The following CCSER1 variants were observed in gnomAD, a reference collection of about 807,000 sequenced individuals.
CCSER1 encodes coiled-coil serine rich protein 1.
Under a neutral mutation model 82.0 loss-of-function variants are expected in CCSER1, and 41 were observed. That is an observed-to-expected ratio of 0.50 (90% CI 0.39 to 0.65). The LOEUF is 0.65. Among genes scored for constraint, CCSER1 ranks in the 30% least tolerant of loss-of-function variants. The pLI, the probability that CCSER1 is intolerant of heterozygous loss-of-function variation, is 0.00. For missense variants in CCSER1, 1,119 were observed against 1,064.2 expected (o/e 1.05, Z -0.72); for synonymous variants, 414 against 383.9 (o/e 1.08, Z -0.92).
chr4:90,625,117 G>A (rs1404979724), intron 5 of CCSER1, among the ~76,000 whole-genome samples: 1 of 152,108 alleles, frequency 6.6e-6, no homozygotes, highest in Non-Finnish European at 1.5e-5. Flanking sequence ...CCAAGTGAAC[G>A]AATTGTATTA....
rs929364856 is a variant in CCSER1 at position 91,470,002 on chromosome 4, T to C, written c.2218-128570T>C. Among the ~76,000 whole-genome samples the C allele has an allele frequency of 3.3e-5, 5 of 152,212 alleles. No homozygotes were observed. The South Asian group carries it at 6.2e-4, about 19-fold the overall frequency. Reference sequence around the variant, plus strand: ...TTCTAATGTTTATGATGCAAATATATGTCTCTGGAAAATTTCAAATTACCT... The same window carrying C: ...TTCTAATGTTTATGATGCAAATATACGTCTCTGGAAAATTTCAAATTACCT... On this transcript the variant is annotated intron_variant, in intron 10 of 10. Transcript: ENST00000509176.
intron 7 of CCSER1, among the ~76,000 whole-genome samples, chr4:90,786,910 T>C (rs1754593147): frequency 1.3e-5 from 2 of 152,246 alleles, no homozygotes; most frequent in African/African-American, 4.8e-5. Context: ...AGCTTCAAGC[T>C]GAGGTTTCTA....
chr4:90,561,997 T>G (rs894733876), intron 5 of CCSER1, among the ~76,000 whole-genome samples: 3 of 151,992 alleles, frequency 2.0e-5, no homozygotes, highest in Admixed American at 6.6e-5. Context: ...GAGACCAGCC[T>G]GGCCAACATG....
intron 10 of CCSER1, among the ~76,000 whole-genome samples, chr4:91,218,847 T>C (rs1737507116): frequency 6.6e-6 from 1 of 152,226 alleles, no homozygotes; most frequent in Non-Finnish European, 1.5e-5. Flanking sequence ...GATTCAGAAC[T>C]AACAGGTATA....
At chr4:90,653,559 T>C (rs1348417771) in intron 6 of CCSER1, among the ~76,000 whole-genome samples, 1 of 152,066 alleles carries the variant, frequency 6.6e-6, no homozygotes, top group African/African-American at 2.4e-5. Flanking sequence ...TACAACAGGG[T>C]GTACATTCGT....
rs1755587340 is a variant in CCSER1, at chr4:91,446,685, AT to A, written c.2218-151886del. On this transcript the variant is annotated intron_variant, in intron 10 of 10. Transcript: ENST00000509176. ...ATATTTTAAATAAATAAATATATAT[AT>A]ATATATAATAGTCCTGCATCCTTTT... Among the ~76,000 whole-genome samples the A allele has an allele frequency of 3.4e-5, 5 of 146,804 alleles. No individual in the cohort carries two copies. In the South Asian group the frequency reaches 1.1e-3, roughly 31 times the overall value.
Position 90,449,659 on chromosome 4 carries a change from C to T in CCSER1, c.1604-18575C>T, listed in dbSNP as rs1761162077. 3.3e-5 allele frequency among the ~76,000 whole-genome samples: 5 copies of T among 152,358 alleles called. No individual in the cohort carries two copies. In the South Asian group the frequency reaches 1.0e-3, roughly 32 times the overall value. On this transcript the variant is annotated intron_variant, in intron 4 of 10. Transcript: ENST00000509176. ...AGGGAGCTAGCATATCAGCACCACC[C>T]TGAGTGTGTGCACACCTGGCTGGGT... is the stretch of plus-strand genomic sequence containing the variant.
chr4:91,306,330 AG>A lies in CCSER1; in HGVS notation c.2217+220337del. Among the ~76,000 whole-genome samples the A allele has an allele frequency of 2.0e-5, 3 of 152,080 alleles. No homozygotes were observed. In the Middle Eastern group the frequency reaches 0.01, roughly 517 times the overall value. On this transcript the variant is annotated intron_variant, in intron 10 of 10. Coordinates refer to ENST00000509176, the MANE Select transcript of CCSER1 (RefSeq NM_001145065.2). ...CATATTTGAAGACTTAAATTGCTTT[AG>A]CTTTTTGTTTTGGTTTGCTTTGGCT...
chr4:90,915,007 A>G (rs533881726), intron 8 of CCSER1, among the ~76,000 whole-genome samples: 2 of 152,320 alleles, frequency 1.3e-5, no homozygotes, highest in African/African-American at 4.8e-5. Context: ...AGGCTCTGAA[A>G]TTGAGGCAAT....
intron 1 of CCSER1, among the ~76,000 whole-genome samples, chr4:90,297,758 G>T (rs1477860998): frequency 6.6e-6 from 1 of 151,962 alleles, no homozygotes; most frequent in African/African-American, 2.4e-5. Context: ...AAATCATGTG[G>T]TTTTTGTCTT....
intron 10 of CCSER1, among the ~76,000 whole-genome samples, chr4:91,285,523 A>G (rs1413200853): frequency 6.6e-6 from 1 of 151,890 alleles, no homozygotes; most frequent in African/African-American, 2.4e-5. Flanking sequence ...TGGATATTTG[A>G]GATTTTCGAT....
intron 7 of CCSER1, among the ~76,000 whole-genome samples, chr4:90,768,302 G>A (rs1751555963): frequency 6.6e-6 from 1 of 152,072 alleles, no homozygotes; most frequent in South Asian, 2.1e-4. Flanking sequence ...TCAAGCTTTG[G>A]GATGATTATA....
chr4:90,996,324 A>T (rs1737491734), intron 9 of CCSER1, among the ~76,000 whole-genome samples: 1 of 152,062 alleles, frequency 6.6e-6, no homozygotes, highest in Non-Finnish European at 1.5e-5. Flanking sequence ...GGACCATTTT[A>T]TGGTATCTTA....
intron 10 of CCSER1, among the ~76,000 whole-genome samples, chr4:91,131,875 T>C (rs1243781602): frequency 6.6e-6 from 1 of 151,830 alleles, no homozygotes; most frequent in Non-Finnish European, 1.5e-5. Flanking sequence ...TACACAGAGG[T>C]AGAGTAGCCA....
chr4:90,865,538 G>A (rs570483848), intron 8 of CCSER1, among the ~76,000 whole-genome samples: 1 of 152,026 alleles, frequency 6.6e-6, no homozygotes, highest in East Asian at 1.9e-4. Context: ...TATTGATTAT[G>A]GAAACATTAG....
chr4:91,440,485 T>C (rs1396416557), intron 10 of CCSER1, among the ~76,000 whole-genome samples: 1 of 152,130 alleles, frequency 6.6e-6, no homozygotes, highest in African/African-American at 2.4e-5. Flanking sequence ...TAGAGGGAAA[T>C]TTATAGCACT....
At chr4:90,616,079 T>G (rs1579491315) in intron 5 of CCSER1, among the ~76,000 whole-genome samples, 1 of 152,236 alleles carries the variant, frequency 6.6e-6, no homozygotes, top group Non-Finnish European at 1.5e-5. Flanking sequence ...TAGCAATAAA[T>G]TATTTTTAAA....
intron 5 of CCSER1, among the ~76,000 whole-genome samples, chr4:90,482,854 T>A (rs1364577761): frequency 6.6e-6 from 1 of 152,174 alleles, no homozygotes; most frequent in African/African-American, 2.4e-5. Flanking sequence ...TTCTGTTGAT[T>A]TGGGGTGGAG....
chr4:90,181,928 T>C (rs1426489893), intron 1 of CCSER1, among the ~76,000 whole-genome samples: 1 of 152,052 alleles, frequency 6.6e-6, no homozygotes, highest in African/African-American at 2.4e-5. Context: ...AAGGGTTGGA[T>C]TTAGAAAAAA....
Sources: allele counts gnomAD v4.1 joint callset (sites outside exome capture counted in the v4.1 genomes callset), GRCh38; gene constraint gnomAD v4.1.1; transcripts MANE v1.5; gene names NCBI Gene and HGNC (gene_info 2026-07-23, HGNC 2026-07-21).